The following KLHL14 variants were observed in gnomAD, a reference collection of about 807,000 sequenced individuals.
The protein encoded by KLHL14 is kelch like family member 14.
A neutral mutation model predicts 64.3 loss-of-function variants in KLHL14; 22 were observed. The observed-to-expected ratio is 0.34, with a 90% confidence interval of 0.24 to 0.49. The LOEUF is 0.49. Among genes scored for constraint, KLHL14 ranks in the 20% least tolerant of loss-of-function variants. KLHL14 has a pLI of 0.99. For synonymous variants in KLHL14, 322 were observed against 333.4 expected, an observed-to-expected ratio of 0.97 and a Z score of 0.37; for missense variants, 661 against 789.0, an observed-to-expected ratio of 0.84 and a Z score of 1.94.
At chr18:32,698,045 C>T (rs530768210) in intron 3 of KLHL14, among the ~76,000 whole-genome samples, 4 of 152,160 alleles carry the variant, frequency 2.6e-5, no homozygotes, top group Admixed American at 2.0e-4. Context: ...TAAAACTCTC[C>T]CAAATTTATT....
intron 2 of KLHL14, 142 bp from the exon 3 acceptor site, chr18:32,742,191 C>T: frequency 1.0e-6 from 1 of 964,046 alleles, no homozygotes; most frequent in Non-Finnish European, 1.5e-6. Context: ...CCATTCATGT[C>T]TCAACAATTT....
chr18:32,681,709 C>T (rs1338169637), intron 5 of KLHL14, among the ~76,000 whole-genome samples: 4 of 152,030 alleles, frequency 2.6e-5, no homozygotes, highest in South Asian at 2.1e-4. Flanking sequence ...AAATAGATGC[C>T]GAGATTCTTG....
intron 7 of KLHL14, among the ~76,000 whole-genome samples, chr18:32,679,579 A>G (rs1347570830): frequency 6.6e-6 from 1 of 152,170 alleles, no homozygotes; most frequent in Non-Finnish European, 1.5e-5. Flanking sequence ...GCAGTCGTAT[A>G]CATATCTAGG....
intron 2 of KLHL14, among the ~76,000 whole-genome samples, chr18:32,760,797 A>G (rs2050310272): frequency 6.6e-6 from 1 of 152,228 alleles, no homozygotes; most frequent in Non-Finnish European, 1.5e-5. Context: ...AAAATGAAAG[A>G]CATTTATAAC....
chr18:32,715,204 A>G (rs2050039145), intron 3 of KLHL14, among the ~76,000 whole-genome samples: 1 of 152,208 alleles, frequency 6.6e-6, no homozygotes, highest in South Asian at 2.1e-4. Context: ...GTGTTGACAT[A>G]GCAGAGATGT....
chr18:32,697,037 A>G (rs936769987), intron 3 of KLHL14, among the ~76,000 whole-genome samples: 2 of 152,218 alleles, frequency 1.3e-5, no homozygotes, highest in Non-Finnish European at 2.9e-5. Flanking sequence ...GGCATAATGT[A>G]GAAATTGGGT....
chr18:32,705,569 A>C (rs192921458), intron 3 of KLHL14, among the ~76,000 whole-genome samples: 1 of 151,934 alleles, frequency 6.6e-6, no homozygotes, highest in East Asian at 1.9e-4. Flanking sequence ...CTAAAAATAC[A>C]AAAAGTAGCT....
At chr18:32,750,461 C>T (rs1482306175) in intron 2 of KLHL14, among the ~76,000 whole-genome samples, 3 of 152,082 alleles carry the variant, frequency 2.0e-5, no homozygotes, top group African/African-American at 7.2e-5. Context: ...GCTTAGAAGC[C>T]TTGCAGATAC....
intron 2 of KLHL14, among the ~76,000 whole-genome samples, chr18:32,762,279 A>G (rs2050318491): frequency 6.6e-6 from 1 of 151,826 alleles, no homozygotes; most frequent in Non-Finnish European, 1.5e-5. Context: ...TCTAAATTAT[A>G]TAAGGTTGGG....
At chr18:32,703,191 A>C (rs1487933773) in intron 3 of KLHL14, among the ~76,000 whole-genome samples, 2 of 152,236 alleles carry the variant, frequency 1.3e-5, no homozygotes, top group Non-Finnish European at 2.9e-5. Context: ...CACAGAACTC[A>C]GCACATAGTA....
chr18:32,760,310 T>C (rs964082961), intron 2 of KLHL14, among the ~76,000 whole-genome samples: 1 of 150,126 alleles, frequency 6.7e-6, no homozygotes, highest in African/African-American at 2.5e-5. Context: ...CACCCAACAA[T>C]ATGTGATTGG....
At position 32,754,505 on chromosome 18, in the gene KLHL14, T is replaced by C. The variant is rs117323017; in HGVS notation, c.948-12456A>G. Among the ~76,000 whole-genome samples, 247 of 152,294 alleles carry C rather than the reference T, an allele frequency of 1.6e-3. 4 individuals carry two copies. In the East Asian group the frequency reaches 0.032, roughly 20 times the overall value. ...ATTATATCTCTGAGAGAGTGAGACA[T>C]AATGGTAGAAATGAATATTTTGACA... On this transcript the variant is annotated intron_variant, in intron 2 of 8. Coordinates refer to ENST00000359358, the MANE Select transcript of KLHL14 (RefSeq NM_020805.3).
chr18:32,770,209 T>C lies in KLHL14; in HGVS notation c.383A>G (p.Gln128Arg). The C allele has an allele frequency of 6.2e-7, 1 of 1,610,954 alleles. No individual in the cohort carries two copies. Among genetic ancestry groups the C allele is most frequent in the Non-Finnish European group, 8.5e-7 (1 of 1,177,642 alleles). Residue 128 changes from glutamine (Q) to arginine (R), a missense_variant, in exon 2 of 9, where the codon CAG becomes CGG. Gln to Arg is a conservative substitution (Grantham distance 43). Coordinates refer to ENST00000359358, the MANE Select transcript of KLHL14 (RefSeq NM_020805.3). The surrounding 1 kb of genome is among the most constrained non-coding windows in gnomAD (Gnocchi z 6.7). ...GCGCAGCCCGATGGACGAGCAGCCC[T>C]GCAGCACCAGGTTGTTGATGGCCCG... is the stretch of plus-strand genomic sequence containing the variant. ...SPRAINNLVL[Q>R]GCSSIGLRLV... is the part of the protein sequence containing the mutation.
At chr18:32,757,210 C>A (rs1425936685) in intron 2 of KLHL14, among the ~76,000 whole-genome samples, 1 of 152,148 alleles carries the variant, frequency 6.6e-6, no homozygotes, top group Non-Finnish European at 1.5e-5. Flanking sequence ...ACACTAGAAG[C>A]GACAATGAAG....
intron 2 of KLHL14, among the ~76,000 whole-genome samples, chr18:32,766,038 A>T (rs2050341790): frequency 6.6e-6 from 1 of 152,092 alleles, no homozygotes. Flanking sequence ...TTCTTGGAGA[A>T]GGTTCAGTAA....
Position 32,770,522 on chromosome 18 carries a change from T to A in KLHL14, c.70A>T (p.Asn24Tyr). Residue 24 changes from asparagine to tyrosine, a missense_variant, in exon 2 of 9, where the codon AAC becomes TAC. By Grantham distance (143) the Asn-to-Tyr change is moderately radical. Transcript: ENST00000359358. The surrounding 1 kb of genome is among the most constrained non-coding windows in gnomAD (Gnocchi z 6.7). ...AACAGCTGCTTCCTCCACAGCAGGTTGAGGCCGTGCAGCAGGTTGTCGCTG... is the reference window on the plus strand; with the variant it reads ...AACAGCTGCTTCCTCCACAGCAGGTAGAGGCCGTGCAGCAGGTTGTCGCTG... Reference protein sequence around the residue: ...SHSDNLLHGLNLLWRKQLFCD... With the variant: ...SHSDNLLHGLYLLWRKQLFCD... The A allele has an allele frequency of 6.2e-7, 1 of 1,606,358 alleles. No individual in the cohort carries two copies. The highest frequency in any genetic ancestry group is 1.7e-4 in the Middle Eastern group (1 of 6,034).
At chr18:32,734,196 T>C (rs761844246) in intron 3 of KLHL14, 12 of 702,804 alleles carry the variant, frequency 1.7e-5, no homozygotes, top group Middle Eastern at 2.3e-4. Flanking sequence ...TTCTGAACTC[T>C]GGTGAGCTTG....
intron 8 of KLHL14, among the ~76,000 whole-genome samples, chr18:32,675,907 TTA>T (rs1418162894): frequency 5.3e-5 from 8 of 152,164 alleles, no homozygotes; most frequent in Non-Finnish European, 8.8e-5. Context: ...CCCCAAAACT[TTA>T]TGTCACAATC....
At chr18:32,684,587 C>T (rs1371374358) in intron 5 of KLHL14, among the ~76,000 whole-genome samples, 1 of 152,118 alleles carries the variant, frequency 6.6e-6, no homozygotes, top group Non-Finnish European at 1.5e-5. Flanking sequence ...GGGTAGGTTA[C>T]CCCAGAGGTG....
Sources: allele counts gnomAD v4.1 joint callset (sites outside exome capture counted in the v4.1 genomes callset), GRCh38; gene constraint gnomAD v4.1.1; non-coding constraint Gnocchi (gnomAD v3.1); transcripts MANE v1.5; gene names NCBI Gene and HGNC (gene_info 2026-07-23, HGNC 2026-07-21).